NTM: variants seen among roughly 807,000 people sequenced by gnomAD.
NTM encodes the protein IgLON family member 2.
In NTM, 13 loss-of-function variants were observed where a neutral mutation model predicts 42.1. The observed-to-expected ratio is 0.31, with a 90% CI of 0.20 to 0.49. NTM has a LOEUF of 0.49. Ranked by LOEUF, NTM falls within the 20% of genes least tolerant of loss-of-function variation. The pLI is 0.99. For missense variants in NTM, 373 were observed against 452.8 expected (o/e 0.82, Z 1.60); for synonymous variants, 187 against 179.2 (o/e 1.04, Z -0.35).
chr11:131,500,599 T>C (rs1229533622), intron 1 of NTM, among the ~76,000 whole-genome samples: 9 of 136,440 alleles, frequency 6.6e-5, no homozygotes, highest in Non-Finnish European at 1.3e-4. Flanking sequence ...TTTTTTTGTA[T>C]TATACTTTAA....
chr11:131,961,408 G>T (rs2062153081), intron 2 of NTM, among the ~76,000 whole-genome samples: 1 of 152,186 alleles, frequency 6.6e-6, no homozygotes, highest in Admixed American at 6.5e-5. Flanking sequence ...GGTGATACCA[G>T]ATGCCTGTGG....
At chr11:132,001,775 G>GGCAC (rs2069312752) in intron 2 of NTM, among the ~76,000 whole-genome samples, 1 of 131,028 alleles carries the variant, frequency 7.6e-6, no homozygotes, top group African/African-American at 2.9e-5. Flanking sequence ...CACACAGACA[G>GGCAC]GCACACACAC....
At chr11:131,836,038 A>G (rs1248791815) in intron 1 of NTM, among the ~76,000 whole-genome samples, 1 of 152,218 alleles carries the variant, frequency 6.6e-6, no homozygotes, top group Non-Finnish European at 1.5e-5. Flanking sequence ...GGCCAGTGCT[A>G]CTTTTAGAGA....
At chr11:131,751,806 A>T (rs565239661) in intron 1 of NTM, among the ~76,000 whole-genome samples, 10 of 125,076 alleles carry the variant, frequency 8.0e-5, no homozygotes, top group Admixed American at 3.4e-4. Flanking sequence ...TTGTAGCTAT[A>T]TAATTATACT....
At chr11:131,698,388 C>T (rs779930662) in intron 1 of NTM, among the ~76,000 whole-genome samples, 3 of 152,094 alleles carry the variant, frequency 2.0e-5, no homozygotes, top group Non-Finnish European at 4.4e-5. Context: ...TCATCACTAG[C>T]GACATCATCA....
intron 1 of NTM, among the ~76,000 whole-genome samples, chr11:131,678,952 C>T (rs1444853968): frequency 1.3e-5 from 2 of 152,228 alleles, no homozygotes; most frequent in African/African-American, 4.8e-5. Context: ...CTTCCTCTGA[C>T]ATCATTTTAT....
chr11:131,439,781 C>T lies in NTM; in HGVS notation c.82+68893C>T, dbSNP rs1949456440. On this transcript the variant is annotated intron_variant, in intron 1 of 8. Transcript: ENST00000683400. Reference sequence around the variant, plus strand: ...TGAGCTTCTCAGGTGAGGCGATGCCCTGCCCTGTTTCAGCTCACCCTCCAT... The same window carrying T: ...TGAGCTTCTCAGGTGAGGCGATGCCTTGCCCTGTTTCAGCTCACCCTCCAT... Among the ~76,000 whole-genome samples the T allele has an allele frequency of 2.6e-5, 4 of 152,202 alleles. No homozygotes were observed. In the South Asian group the frequency reaches 8.3e-4, roughly 32 times the overall value.
At chr11:131,636,433 C>A (rs2064395446) in intron 1 of NTM, among the ~76,000 whole-genome samples, 1 of 152,322 alleles carries the variant, frequency 6.6e-6, no homozygotes, top group Non-Finnish European at 1.5e-5. Context: ...TGAGCTCTCC[C>A]TATCCACAGG....
At chr11:131,901,742 G>C (rs2053194293) in intron 1 of NTM, among the ~76,000 whole-genome samples, 1 of 152,176 alleles carries the variant, frequency 6.6e-6, no homozygotes, top group Admixed American at 6.5e-5. Flanking sequence ...GTGAAAGCCA[G>C]GGTAGATTAT....
At chr11:131,694,649 G>A (rs537257551) in intron 1 of NTM, among the ~76,000 whole-genome samples, 1 of 152,334 alleles carries the variant, frequency 6.6e-6, no homozygotes, top group African/African-American at 2.4e-5. Context: ...GCTGGGCCTG[G>A]GAACCACGGG....
At chr11:131,961,118 A>G (rs74651753) in intron 2 of NTM, among the ~76,000 whole-genome samples, 5,081 of 152,262 alleles carry the variant, frequency 0.033, 269 homozygotes, top group African/African-American at 0.11. Context: ...GGGTGGGCCA[A>G]CTATGCTGGC....
At chr11:132,101,821 C>T (rs2061662810) in intron 2 of NTM, among the ~76,000 whole-genome samples, 1 of 152,172 alleles carries the variant, frequency 6.6e-6, no homozygotes, top group African/African-American at 2.4e-5. Flanking sequence ...CACCTAACTC[C>T]AACCTTGCAT....
At chr11:132,079,404 G>GCC (rs1344693803) in intron 2 of NTM, among the ~76,000 whole-genome samples, 1 of 152,042 alleles carries the variant, frequency 6.6e-6, no homozygotes, top group African/African-American at 2.4e-5. Flanking sequence ...AAACTCTAGC[G>GCC]CCCGAAGAAA....
chr11:131,649,343 T>C (rs142919923), intron 1 of NTM, among the ~76,000 whole-genome samples: 57 of 152,306 alleles, frequency 3.7e-4, no homozygotes, highest in African/African-American at 1.3e-3. Context: ...AGAAACAGAA[T>C]GCAGTGTCTG....
At chr11:131,889,564 G>A (rs1006392629) in intron 1 of NTM, among the ~76,000 whole-genome samples, 1 of 152,194 alleles carries the variant, frequency 6.6e-6, no homozygotes, top group Admixed American at 6.5e-5. Flanking sequence ...GTCCTCAAGG[G>A]AAAACAGTGC....
intron 1 of NTM, among the ~76,000 whole-genome samples, chr11:131,774,636 A>T (rs2086672065): frequency 6.6e-6 from 1 of 152,210 alleles, no homozygotes. Flanking sequence ...GTGAGGTCAC[A>T]AAAAATTGTA....
rs570630211 is a variant in NTM at position 132,084,181 on chromosome 11, A to G, written c.168-62101A>G. On this transcript the variant is annotated intron_variant, in intron 2 of 8. Coordinates refer to ENST00000683400, the MANE Select transcript of NTM (RefSeq NM_001352005.2). ...CTGTCAAATTCATGTAGCTGATTATAAACCATCTTTTGAAGGGGATAAAAA... is the reference window on the plus strand; with the variant it reads ...CTGTCAAATTCATGTAGCTGATTATGAACCATCTTTTGAAGGGGATAAAAA... Among the ~76,000 whole-genome samples, 9 of 152,288 alleles carry G rather than the reference A, an allele frequency of 5.9e-5. No individual in the cohort carries two copies. The South Asian group carries it at 1.9e-3, about 32-fold the overall frequency.
chr11:132,014,204 A>G (rs1304535393), intron 2 of NTM, among the ~76,000 whole-genome samples: 1 of 152,070 alleles, frequency 6.6e-6, no homozygotes, highest in African/African-American at 2.4e-5. Flanking sequence ...GTCAAATGAA[A>G]GACATGATTT....
intron 1 of NTM, among the ~76,000 whole-genome samples, chr11:131,736,348 C>A (rs1182385019): frequency 6.6e-6 from 1 of 152,188 alleles, no homozygotes; most frequent in Non-Finnish European, 1.5e-5. Flanking sequence ...TTCCAGTAAC[C>A]CTCCAGGCTT....
Sources: allele counts gnomAD v4.1 joint callset (sites outside exome capture counted in the v4.1 genomes callset), GRCh38; gene constraint gnomAD v4.1.1; transcripts MANE v1.5; gene names NCBI Gene and HGNC (gene_info 2026-07-23, HGNC 2026-07-21).